PDE10A: variants seen among roughly 807,000 people sequenced by gnomAD.
The protein encoded by PDE10A is phosphodiesterase 10A.
In PDE10A, 39 loss-of-function variants were observed where a neutral mutation model predicts 97.7. The ratio of observed to expected loss-of-function variants is 0.40; its 90% CI spans 0.31 to 0.52. PDE10A has a LOEUF of 0.52. Among genes scored for constraint, PDE10A ranks in the 20% least tolerant of loss-of-function variants. PDE10A has a pLI of 0.56. For synonymous variants in PDE10A, 371 were observed against 376.8 expected (o/e 0.98, Z 0.18); for missense variants, 731 against 1,047.8 (o/e 0.70, Z 4.17).
At chr6:165,560,813 G>A (rs1225278266) in intron 1 of PDE10A, among the ~76,000 whole-genome samples, 4 of 152,132 alleles carry the variant, frequency 2.6e-5, no homozygotes, top group Non-Finnish European at 4.4e-5. Context: ...CCAGGTGTTA[G>A]AGGTGGGGGC....
chr6:165,401,429 C>CTTTCA (rs1223457692), intron 13 of PDE10A, among the ~76,000 whole-genome samples: 1 of 152,170 alleles, frequency 6.6e-6, no homozygotes, highest in Non-Finnish European at 1.5e-5. Flanking sequence ...CTTCTAAATA[C>CTTTCA]TTTCATTTGT....
intron 13 of PDE10A, among the ~76,000 whole-genome samples, chr6:165,403,785 G>C (rs922679235): frequency 9.2e-5 from 14 of 152,102 alleles, no homozygotes; most frequent in African/African-American, 3.4e-4. Context: ...ACTGTCATGA[G>C]ATCTACTTTT....
Position 165,729,212 on chromosome 6 carries a change from A to G in PDE10A, c.-614-185644T>C, listed in dbSNP as rs796785293. ...GGGAGACTCCATCTCAAAAAAAAAAAAAAGATTTCCAGGAAAATTTGATTG... is the reference window on the plus strand; with the variant it reads ...GGGAGACTCCATCTCAAAAAAAAAAGAAAGATTTCCAGGAAAATTTGATTG... On this transcript the variant is annotated intron_variant, in intron 1 of 19. Coordinates refer to the PDE10A transcript ENST00000366882. Among the ~76,000 whole-genome samples, 16 of 152,244 alleles carry G rather than the reference A, an allele frequency of 1.1e-4. 1 individual carries two copies. Among genetic ancestry groups the G allele is most frequent in the African/African-American group, 3.9e-4 (16 of 41,544 alleles).
chr6:165,510,546 G>A (rs998057372), intron 2 of PDE10A, among the ~76,000 whole-genome samples: 4 of 151,960 alleles, frequency 2.6e-5, no homozygotes, highest in African/African-American at 9.7e-5. Flanking sequence ...TGCTGGCCTT[G>A]TAGAATGAGT....
intron 5 of PDE10A, among the ~76,000 whole-genome samples, chr6:165,440,786 G>A (rs1034342517): frequency 5.3e-5 from 8 of 151,446 alleles, no homozygotes; most frequent in African/African-American, 1.9e-4. Context: ...TTATGGAAAG[G>A]TTGTTTTTAA....
chr6:165,644,387 G>A (rs889983398), intron 1 of PDE10A, among the ~76,000 whole-genome samples: 12 of 152,152 alleles, frequency 7.9e-5, no homozygotes, highest in African/African-American at 2.4e-4. Context: ...AAGAGTCTCC[G>A]TGAAGATTTC....
At chr6:165,925,847 G>A (rs913575522) in intron 1 of PDE10A, among the ~76,000 whole-genome samples, 3 of 152,260 alleles carry the variant, frequency 2.0e-5, no homozygotes, top group East Asian at 1.9e-4. Context: ...AGACCACATA[G>A]AACTAAATAC....
chr6:165,686,773 T>G (rs1332124255), intron 1 of PDE10A, among the ~76,000 whole-genome samples: 2 of 152,206 alleles, frequency 1.3e-5, no homozygotes, highest in Non-Finnish European at 2.9e-5. Flanking sequence ...CGTGACCGCC[T>G]CATTAGCCGG....
chr6:165,699,173 A>C (rs1395082360), intron 1 of PDE10A, among the ~76,000 whole-genome samples: 1 of 152,224 alleles, frequency 6.6e-6, no homozygotes, highest in East Asian at 1.9e-4. Flanking sequence ...AATATTAACC[A>C]CAGGAAAGGT....
intron 1 of PDE10A, among the ~76,000 whole-genome samples, chr6:165,623,224 C>T (rs185776292): frequency 3.3e-5 from 5 of 152,170 alleles, no homozygotes; most frequent in African/African-American, 1.2e-4. Flanking sequence ...CTCCTGGGTT[C>T]ACGTGATTCT....
rs755573691 is a variant in PDE10A, at chr6:165,866,673, ACAAC to A, written c.-615+120852_-615+120855del. Among the ~76,000 whole-genome samples the A allele has an allele frequency of 1.6e-3, 224 of 142,962 alleles. 3 individuals carry two copies. The highest frequency in any genetic ancestry group is 2.1e-3 in the Non-Finnish European group (141 of 65,704). The allele number at this position is 142,962 out of a possible 152,430, so 93.8% of individuals were successfully genotyped here. A position where few individuals can be genotyped will look rare whatever the true frequency, so the allele number is the denominator to read the frequency against. On this transcript the variant is annotated intron_variant, in intron 1 of 19. Transcript: ENST00000366882. The stretch of plus-strand genomic sequence containing the variant: ...AGAGAATTCTAAAAACAGCAAAAAA[ACAAC>A]AAAAAAGAGTCAGTTCTTTCATAAG...
intron 1 of PDE10A, among the ~76,000 whole-genome samples, chr6:165,978,623 C>T (rs1278112510): frequency 6.6e-6 from 1 of 152,094 alleles, no homozygotes; most frequent in Non-Finnish European, 1.5e-5. Flanking sequence ...CTAGATGCTT[C>T]AAAAATGTCA....
intron 1 of PDE10A, among the ~76,000 whole-genome samples, chr6:165,580,760 C>T (rs568399900): frequency 1.3e-5 from 2 of 150,248 alleles, no homozygotes; most frequent in Non-Finnish European, 2.9e-5. Context: ...GATAGTAAGT[C>T]TCCTACCCAA....
chr6:165,887,304 C>G (rs1781655582), intron 1 of PDE10A, among the ~76,000 whole-genome samples: 1 of 152,290 alleles, frequency 6.6e-6, no homozygotes, highest in South Asian at 2.1e-4. Context: ...TGTGTTTATA[C>G]CAGTCACCAG....
At chr6:165,976,878 C>A (rs911684110) in intron 1 of PDE10A, among the ~76,000 whole-genome samples, 1 of 152,172 alleles carries the variant, frequency 6.6e-6, no homozygotes, top group African/African-American at 2.4e-5. Context: ...CTGTCCCCAC[C>A]TTCCCCACAC....
At chr6:165,544,252 G>T (rs1378985817) in intron 1 of PDE10A, among the ~76,000 whole-genome samples, 3 of 152,120 alleles carry the variant, frequency 2.0e-5, no homozygotes, top group African/African-American at 7.2e-5. Flanking sequence ...TATAACTAAT[G>T]TTCAGTTCAG....
chr6:165,472,748 C>T (rs1779087985), intron 3 of PDE10A, among the ~76,000 whole-genome samples: 2 of 152,102 alleles, frequency 1.3e-5, no homozygotes, highest in African/African-American at 4.8e-5. Flanking sequence ...AATAGAGATG[C>T]ATTCTGGTAA....
intron 1 of PDE10A, among the ~76,000 whole-genome samples, chr6:165,574,820 C>T (rs1219386847): frequency 1.3e-5 from 2 of 152,160 alleles, no homozygotes; most frequent in Non-Finnish European, 2.9e-5. Context: ...TCTGATATTA[C>T]ATTATAACTG....
chr6:165,557,957 A>T (rs997773801), intron 1 of PDE10A, among the ~76,000 whole-genome samples: 1 of 152,224 alleles, frequency 6.6e-6, no homozygotes, highest in Admixed American at 6.5e-5. Flanking sequence ...CTTTTTATTC[A>T]GTACGTGTAT....
Sources: allele counts gnomAD v4.1 joint callset (sites outside exome capture counted in the v4.1 genomes callset), GRCh38; gene constraint gnomAD v4.1.1; transcripts MANE v1.5; gene names NCBI Gene and HGNC (gene_info 2026-07-23, HGNC 2026-07-21).